NLGN1: variants seen among roughly 807,000 people sequenced by gnomAD.
NLGN1 encodes neuroligin 1, also known as neuroligin-1.
Under a neutral mutation model 65.5 loss-of-function variants are expected in NLGN1, and 12 were observed. The observed-to-expected ratio is 0.18, with a 90% confidence interval of 0.12 to 0.30. The LOEUF is 0.30. Among genes scored for constraint, NLGN1 ranks in the 10% least tolerant of loss-of-function variants. The pLI is 1.00. For missense variants in NLGN1, 750 were observed against 1,007.1 expected, an observed-to-expected ratio of 0.74 and a Z score of 3.46; for synonymous variants, 350 against 359.5, an observed-to-expected ratio of 0.97 and a Z score of 0.30.
rs561882266 is a variant in NLGN1 at position 173,905,992 on chromosome 3, G to A, written c.646+98160G>A. On this transcript the variant is annotated intron_variant, in intron 4 of 6. Transcript: ENST00000457714. Reference sequence around the variant, plus strand: ...CTCTTGGACCAAGAACAGACACAAGGGCGATGGATTTTAATACTATTGTTT... The same window carrying A: ...CTCTTGGACCAAGAACAGACACAAGAGCGATGGATTTTAATACTATTGTTT... 7.2e-5 allele frequency among the ~76,000 whole-genome samples: 11 copies of A among 152,234 alleles called. No individual in the cohort carries two copies. The South Asian group carries it at 2.1e-3, about 29-fold the overall frequency.
chr3:174,215,174 T>C (rs1461979700), intron 4 of NLGN1, among the ~76,000 whole-genome samples: 1 of 152,190 alleles, frequency 6.6e-6, no homozygotes, highest in Admixed American at 6.5e-5. Flanking sequence ...CACCTCTGAC[T>C]TAATTATTTC....
intron 2 of NLGN1, among the ~76,000 whole-genome samples, chr3:173,502,432 A>G (rs1446124458): frequency 1.3e-5 from 2 of 152,150 alleles, no homozygotes; most frequent in Non-Finnish European, 2.9e-5. Context: ...GTGTCAAGCT[A>G]TGTATATAAT....
intron 1 of NLGN1, among the ~76,000 whole-genome samples, chr3:173,402,388 A>G (rs1174533159): frequency 6.6e-6 from 1 of 152,132 alleles, no homozygotes; most frequent in Non-Finnish European, 1.5e-5. Flanking sequence ...AAGTTCGTTG[A>G]ATGCAAATTT....
chr3:174,273,073 G>GAATT (rs1749787009), intron 4 of NLGN1, among the ~76,000 whole-genome samples: 1 of 151,194 alleles, frequency 6.6e-6, no homozygotes, highest in Non-Finnish European at 1.5e-5. Context: ...TCTATAACTG[G>GAATT]AATTACAGTG....
chr3:174,137,959 T>TA (rs1721522140), intron 4 of NLGN1, among the ~76,000 whole-genome samples: 1 of 152,200 alleles, frequency 6.6e-6, no homozygotes, highest in Non-Finnish European at 1.5e-5. Flanking sequence ...CTTGTTAACA[T>TA]CATTAGCATA....
intron 2 of NLGN1, among the ~76,000 whole-genome samples, chr3:173,539,032 A>G (rs1737961492): frequency 1.3e-5 from 2 of 152,230 alleles, no homozygotes; most frequent in East Asian, 3.9e-4. Context: ...ACATCTGACC[A>G]TACCTCCTTA....
chr3:173,781,285 T>A (rs910984645), intron 3 of NLGN1, among the ~76,000 whole-genome samples: 5 of 152,082 alleles, frequency 3.3e-5, no homozygotes, highest in Non-Finnish European at 5.9e-5. Flanking sequence ...AGGAAATATC[T>A]GTGTATATTT....
chr3:173,571,894 A>G (rs532121622), intron 2 of NLGN1, among the ~76,000 whole-genome samples: 7 of 152,342 alleles, frequency 4.6e-5, no homozygotes, highest in Admixed American at 6.5e-5. Context: ...CCTTTATGCA[A>G]TGTGAACAGG....
At chr3:173,638,668 C>T (rs1756962843) in intron 3 of NLGN1, among the ~76,000 whole-genome samples, 1 of 152,056 alleles carries the variant, frequency 6.6e-6, no homozygotes, top group African/African-American at 2.4e-5. Context: ...AGGCCCCTTT[C>T]ACATAATGGA....
chr3:173,838,298 T>C (rs1724059325), intron 4 of NLGN1, among the ~76,000 whole-genome samples: 1 of 152,150 alleles, frequency 6.6e-6, no homozygotes, highest in Non-Finnish European at 1.5e-5. Flanking sequence ...GCCAAGAGGA[T>C]AGCCTTATAA....
chr3:174,268,129 A>G (rs760550694), intron 4 of NLGN1, among the ~76,000 whole-genome samples: 8 of 152,190 alleles, frequency 5.3e-5, no homozygotes, highest in Non-Finnish European at 8.8e-5. Flanking sequence ...GAAGTGCACT[A>G]TGTCTTTAAA....
chr3:173,484,935 A>C (rs1255995852), intron 2 of NLGN1, among the ~76,000 whole-genome samples: 1 of 151,832 alleles, frequency 6.6e-6, no homozygotes, highest in Non-Finnish European at 1.5e-5. Flanking sequence ...GGCCCCTTCC[A>C]CTCTATAAGT....
intron 5 of NLGN1, among the ~76,000 whole-genome samples, chr3:174,277,078 A>AGTT (rs1561457081): frequency 6.6e-6 from 1 of 151,976 alleles, no homozygotes; most frequent in East Asian, 1.9e-4. Context: ...TTATGCAAAC[A>AGTT]GTTGAAAATA....
intron 4 of NLGN1, among the ~76,000 whole-genome samples, chr3:174,169,467 G>A (rs1389761328): frequency 1.3e-5 from 2 of 151,390 alleles, no homozygotes; most frequent in Non-Finnish European, 2.9e-5. Context: ...GGGTGAGGTG[G>A]TTCAGGCTGC....
chr3:174,016,895 A>G (rs1201804588), intron 4 of NLGN1, among the ~76,000 whole-genome samples: 1 of 152,108 alleles, frequency 6.6e-6, no homozygotes, highest in African/African-American at 2.4e-5. Context: ...TTTTGCCAGA[A>G]ACATTGGATT....
chr3:174,262,722 G>T (rs1447474932), intron 4 of NLGN1, among the ~76,000 whole-genome samples: 4 of 138,872 alleles, frequency 2.9e-5, no homozygotes, highest in African/African-American at 1.1e-4. Context: ...CTTGCCTTCT[G>T]CTAGCTTTTG....
At chr3:173,475,809 A>G (rs1726101783) in intron 2 of NLGN1, among the ~76,000 whole-genome samples, 1 of 152,204 alleles carries the variant, frequency 6.6e-6, no homozygotes, top group Admixed American at 6.5e-5. Context: ...TAAATACTCT[A>G]ATCCTTGCAT....
chr3:173,719,826 A>G (rs1770530824), intron 3 of NLGN1, among the ~76,000 whole-genome samples: 1 of 152,130 alleles, frequency 6.6e-6, no homozygotes, highest in Admixed American at 6.5e-5. Flanking sequence ...AAAAGTGCTG[A>G]TTTCTGGGCC....
chr3:173,539,319 C>T (rs1306081465), intron 2 of NLGN1, among the ~76,000 whole-genome samples: 9 of 150,666 alleles, frequency 6.0e-5, no homozygotes, highest in Non-Finnish European at 1.2e-4. Context: ...ATTTGGGTCA[C>T]CTCTTTATGC....
Sources: allele counts gnomAD v4.1 joint callset (sites outside exome capture counted in the v4.1 genomes callset), GRCh38; gene constraint gnomAD v4.1.1; transcripts MANE v1.5; gene names NCBI Gene and HGNC (gene_info 2026-07-23, HGNC 2026-07-21).